Variants in MPPE1 observed in about 807,000 individuals in gnomAD.
MPPE1 encodes the protein metallo phosphoesterase.
MPPE1 carries 28 observed loss-of-function variants against 43.8 expected under a neutral mutation model. The ratio of observed to expected loss-of-function variants is 0.64; its 90% CI spans 0.47 to 0.88. The LOEUF (loss-of-function observed/expected upper bound fraction) is 0.88, where lower values mean the gene tolerates loss of function less well. MPPE1 is among the 40% of genes least tolerant of loss of function. The pLI is 0.00. For missense variants in MPPE1, 428 were observed against 492.2 expected, an observed-to-expected ratio of 0.87 and a Z score of 1.23; for synonymous variants, 159 against 188.5, an observed-to-expected ratio of 0.84 and a Z score of 1.28.
In MPPE1 at chr18:11,885,687, TG is replaced by T; in HGVS notation, c.996del (p.Ser333ValfsTer26). ...AACTTTCACGTTACCATGATGAAACTGGGGTTGTTTCTGTTCCTCCAACTGA... is the reference window on the plus strand; with the variant it reads ...AACTTTCACGTTACCATGATGAAACTGGGTTGTTTCTGTTCCTCCAACTGA... ...PSFSWRNRNN[P>X]SFIMGSITPT... is the part of the protein sequence containing the mutation. On this transcript the variant is annotated frameshift_variant, in exon 10 of 11. Transcript: ENST00000588072. LOFTEE classifies it low-confidence loss of function (END_TRUNC). The T allele has an allele frequency of 6.2e-7, 1 of 1,613,004 alleles. No individual in the cohort carries two copies. Among genetic ancestry groups the T allele is most frequent in the Non-Finnish European group, 8.5e-7 (1 of 1,179,294 alleles).
intron 3 of MPPE1, among the ~76,000 whole-genome samples, chr18:11,896,556 T>G (rs569701443): frequency 6.6e-6 from 1 of 152,160 alleles, no homozygotes; most frequent in Non-Finnish European, 1.5e-5. Flanking sequence ...TGAAACCCAA[T>G]AGGCTCAAAG....
At chr18:11,892,443 G>A (rs918674931) in intron 4 of MPPE1, among the ~76,000 whole-genome samples, 1 of 152,022 alleles carries the variant, frequency 6.6e-6, no homozygotes, top group African/African-American at 2.4e-5. Flanking sequence ...GCCGAGGTGG[G>A]CAGATCACCT....
intron 2 of MPPE1, among the ~76,000 whole-genome samples, chr18:11,900,031 G>A (rs1205081903): frequency 6.6e-6 from 1 of 152,088 alleles, no homozygotes; most frequent in East Asian, 1.9e-4. Context: ...GGCCCACATG[G>A]TGAAACCCTG....
intron 2 of MPPE1, among the ~76,000 whole-genome samples, chr18:11,902,065 C>T (rs1464452725): frequency 6.6e-6 from 1 of 152,218 alleles, no homozygotes; most frequent in Non-Finnish European, 1.5e-5. Context: ...ACCACACATG[C>T]CGCATAATCG....
chr18:11,893,501 AT>A lies in MPPE1; in HGVS notation c.356del (p.Asp119ValfsTer33). On this transcript the variant is annotated frameshift_variant, in exon 4 of 11. Coordinates refer to ENST00000588072, the MANE Select transcript of MPPE1 (RefSeq NM_023075.6). LOFTEE classifies it high-confidence loss of function. ...LQPEVVFILG[D>X]IFDEGKWSTP... ...TGCTCCACTTCCCTTCATCAAAGAT[AT>A]CCCCCAGGATGAAGACGACTTCCGG... The A allele has an allele frequency of 6.2e-7, 1 of 1,614,030 alleles. No individual in the cohort carries two copies. The highest frequency in any genetic ancestry group is 1.1e-5 in the South Asian group (1 of 91,080).
rs745541599 is a variant in MPPE1 at position 11,886,418 on chromosome 18, C to A, written c.867+81G>T. ...ACGTTTCAGCAAACACCTGCTCTAG[C>A]CTGGGCACTCTGCTTGTTGACATGC... is the stretch of plus-strand genomic sequence containing the variant. On this transcript the variant is annotated intron_variant, in intron 9 of 10. Transcript: ENST00000588072. This position sits in a 1 kb window ranked among gnomAD's most constrained non-coding sequence, Gnocchi z 4.1. 1 of 1,600,272 alleles carries A rather than the reference C, an allele frequency of 6.2e-7. No homozygotes were observed. Among genetic ancestry groups the A allele is most frequent in the Non-Finnish European group, 8.5e-7 (1 of 1,169,688 alleles).
rs755390196 is a variant in MPPE1, at chr18:11,886,614, G to A, written c.752C>T (p.Pro251Leu). ...TSAPVLLQHYPLYRRSDANCS... is the reference protein window; with the variant it reads ...TSAPVLLQHYLLYRRSDANCS... ...GTTAGCATCACTTCTCCGATACAGAGGATAATGCTGTCCGGGGTGGAGAGA... is the reference window on the plus strand; with the variant it reads ...GTTAGCATCACTTCTCCGATACAGAAGATAATGCTGTCCGGGGTGGAGAGA... Residue 251 changes from proline (P) to leucine (L), a missense_variant, in exon 9 of 11, where the codon CCT (proline) becomes CTT (leucine). Pro to Leu is a moderately conservative substitution (Grantham distance 98, BLOSUM62 -3). This residue lies in a region of MPPE1 where 379 missense variants were observed against 402.5 expected (regional missense o/e 0.94). Coordinates refer to ENST00000588072, the MANE Select transcript of MPPE1 (RefSeq NM_023075.6). The surrounding 1 kb of genome is among the most constrained non-coding windows in gnomAD (Gnocchi z 4.1). The A allele has an allele frequency of 6.2e-7, 1 of 1,614,198 alleles. No individual in the cohort carries two copies. The highest frequency in any genetic ancestry group is 1.7e-5 in the Admixed American group (1 of 60,006).
chr18:11,884,551 C>T lies in MPPE1; in HGVS notation c.1085G>A (p.Cys362Tyr), dbSNP rs1353291099. ...GACCACAAGGAAGCCCACCACTCCA[C>T]AGTAGATGATCAAAACCACATCCTC... ...PREDVVLIIYCGVVGFLVVLT... is the reference protein window; with the variant it reads ...PREDVVLIIYYGVVGFLVVLT... The change falls in exon 11 of 11, where the codon TGT (cysteine) becomes TAT (tyrosine). Residue 362 changes from cysteine (C) to tyrosine (Y), a missense_variant. This residue lies in a region of MPPE1 where 379 missense variants were observed against 402.5 expected (regional missense o/e 0.94). Transcript: ENST00000588072. 3.7e-6 allele frequency: 6 copies of T among 1,613,960 alleles called. No homozygotes were observed. Among genetic ancestry groups the T allele is most frequent in the Non-Finnish European group, 4.2e-6 (5 of 1,180,038 alleles).
chr18:11,885,136 G>T, intron 10 of MPPE1: 1 of 1,009,844 alleles, frequency 9.9e-7, no homozygotes, highest in African/African-American at 1.7e-5. Flanking sequence ...CATTTACTTT[G>T]AATTTGAAAA....
Position 11,894,365 on chromosome 18 carries a change from T to G in MPPE1, c.282-789A>C, listed in dbSNP as rs1370419014. On this transcript the variant is annotated intron_variant, in intron 3 of 10. Transcript: ENST00000588072. Reference sequence around the variant, plus strand: ...ATTGCTTGAACCCAGGAGGCGGAGGTTGCAGTAAGCTGAGATCATGACACT... The same window carrying G: ...ATTGCTTGAACCCAGGAGGCGGAGGGTGCAGTAAGCTGAGATCATGACACT... 2.0e-5 allele frequency among the ~76,000 whole-genome samples: 3 copies of G among 146,374 alleles called. No individual in the cohort carries two copies. The East Asian group carries it at 6.2e-4, about 30-fold the overall frequency.
At position 11,892,455 on chromosome 18, in the gene MPPE1, AGGTCAG is replaced by A. The variant is rs1214556947; in HGVS notation, c.390+1007_390+1012del. Among the ~76,000 whole-genome samples the A allele has an allele frequency of 2.0e-5, 3 of 152,044 alleles. No individual in the cohort carries two copies. The East Asian group carries it at 5.8e-4, about 29-fold the overall frequency. On this transcript the variant is annotated intron_variant, in intron 4 of 10. Coordinates refer to ENST00000588072, the MANE Select transcript of MPPE1 (RefSeq NM_023075.6). ...GAGGCCGAGGTGGGCAGATCACCTGAGGTCAGGAGTTTGAGACCAGCCTGACCAACA... is the reference window on the plus strand; with the variant it reads ...GAGGCCGAGGTGGGCAGATCACCTGAGAGTTTGAGACCAGCCTGACCAACA...
chr18:11,896,091 TA>T lies in MPPE1; in HGVS notation c.281+892del, dbSNP rs1307987200. 5.7e-3 allele frequency among the ~76,000 whole-genome samples: 819 copies of T among 144,588 alleles called. 11 individuals are homozygous for T. Among genetic ancestry groups the T allele is most frequent in the East Asian group, 0.024 (115 of 4,734 alleles). 94.9% of individuals were successfully genotyped at this position (144,588 alleles called of 152,430 possible). A position where few individuals can be genotyped will look rare whatever the true frequency, so the allele number is the denominator to read the frequency against. ...CTGCTCTTTCATTATTCTTATTCTT[TA>T]TTCTTTTTTTTTTTTTTTTTTTTTT... is the stretch of plus-strand genomic sequence containing the variant. On this transcript the variant is annotated intron_variant, in intron 3 of 10. Coordinates refer to ENST00000588072, the MANE Select transcript of MPPE1 (RefSeq NM_023075.6).
chr18:11,902,038 T>A (rs1182886321), intron 2 of MPPE1, among the ~76,000 whole-genome samples: 1 of 152,230 alleles, frequency 6.6e-6, no homozygotes, highest in Non-Finnish European at 1.5e-5. Context: ...TTGTCACCTC[T>A]CTTTTCTCTA....
Position 11,884,164 on chromosome 18 carries a change from C to T in MPPE1, c.*281G>A, listed in dbSNP as rs1567915401. ...GGACTGTCGTGCATGTGAGTGACGA[C>T]ATTAATAGCATTTACATACTGTACA... On this transcript the variant is annotated 3_prime_UTR_variant, in exon 11 of 11. Coordinates refer to ENST00000588072, the MANE Select transcript of MPPE1 (RefSeq NM_023075.6). 2 of 317,192 alleles carry T rather than the reference C, an allele frequency of 6.3e-6. No homozygotes were observed. Among genetic ancestry groups the T allele is most frequent in the African/African-American group, 4.2e-5 (2 of 47,512 alleles). The allele number at this position is 317,192 out of a possible 1,614,324, so 19.6% of individuals were successfully genotyped here. A position where few individuals can be genotyped will look rare whatever the true frequency, so the allele number is the denominator to read the frequency against.
Position 11,884,192 on chromosome 18 carries a change from T to C in MPPE1, c.*253A>G. On this transcript the variant is annotated 3_prime_UTR_variant, in exon 11 of 11. Transcript: ENST00000588072. ...TAATAGCATTTACATACTGTACAGA[T>C]GCAACCTTTGATGATACATATATTT... 6.5e-6 allele frequency: 3 copies of C among 461,328 alleles called. No homozygotes were observed. The highest frequency in any genetic ancestry group is 7.9e-6 in the Non-Finnish European group (2 of 252,310). The allele number at this position is 461,328 out of a possible 1,614,324, so 28.6% of individuals were successfully genotyped here.
chr18:11,885,547 G>A (rs547912258), intron 10 of MPPE1, 129 bp downstream of exon 10: 18 of 1,104,608 alleles, frequency 1.6e-5, no homozygotes, highest in Non-Finnish European at 2.2e-5. Flanking sequence ...ATGGAGCTAC[G>A]TGTAGAAGGA....
At chr18:11,892,011 G>C (rs548352804) in intron 4 of MPPE1, among the ~76,000 whole-genome samples, 110 of 152,082 alleles carry the variant, frequency 7.2e-4, no homozygotes, top group African/African-American at 2.5e-3. Flanking sequence ...AGTTGCCCAG[G>C]CTGGTTTTGA....
intron 5 of MPPE1, 133 bp from the exon 6 acceptor site, chr18:11,888,876 C>T (rs988374509): frequency 9.5e-6 from 5 of 528,958 alleles, no homozygotes; most frequent in Admixed American, 8.0e-5. Context: ...CTCTACCTGG[C>T]CCCAGGATAG....
chr18:11,899,905 G>A (rs949458029), intron 2 of MPPE1, among the ~76,000 whole-genome samples: 11 of 152,124 alleles, frequency 7.2e-5, no homozygotes, highest in Non-Finnish European at 1.3e-4. Context: ...TTTGCATAGG[G>A]AAATTAAGAA....
Sources: gnomAD v4.1 joint callset for allele counts (sites outside exome capture counted in the v4.1 genomes callset) on GRCh38, gnomAD v4.1.1 for gene constraint, gnomAD v4.1.1 regional missense constraint, Gnocchi (gnomAD v3.1) non-coding constraint, MANE v1.5 for transcripts, NCBI Gene and HGNC (gene_info 2026-07-23, HGNC 2026-07-21) for gene names.